Variants in AGBL4 observed in about 807,000 individuals in gnomAD.
The protein encoded by AGBL4 is cytosolic carboxypeptidase 6.
A neutral mutation model predicts 66.4 loss-of-function variants in AGBL4; 58 were observed. The observed-to-expected ratio is 0.87, with a 90% confidence interval of 0.71 to 1.09. AGBL4 has a LOEUF of 1.09. Ranked by LOEUF, AGBL4 falls within the 50% of genes least tolerant of loss-of-function variation. The probability of loss-of-function intolerance (pLI) is 0.00; values close to 1 mark genes in which losing one functional copy is unlikely to be tolerated. For synonymous variants in AGBL4, 234 were observed against 222.9 expected, an observed-to-expected ratio of 1.05 and a Z score of -0.44; for missense variants, 579 against 631.0, an observed-to-expected ratio of 0.92 and a Z score of 0.88.
rs566540528 is a variant in AGBL4 at position 49,161,071 on chromosome 1, G to A, written c.377+84699C>T. Among the ~76,000 whole-genome samples, 16 of 152,118 alleles carry A rather than the reference G, an allele frequency of 1.1e-4. No individual in the cohort carries two copies. In the South Asian group the frequency reaches 2.1e-3, roughly 20 times the overall value. On this transcript the variant is annotated intron_variant, in intron 4 of 13. Coordinates refer to ENST00000371839, the MANE Select transcript of AGBL4 (RefSeq NM_032785.4). ...CCAGGGGAGTGAACAGTTCTGTCTC[G>A]CTGGCATTTCAGGTGCCAGTAGGGT...
intron 3 of AGBL4, among the ~76,000 whole-genome samples, chr1:49,454,856 T>C (rs1295167226): frequency 6.6e-6 from 1 of 151,658 alleles, no homozygotes; most frequent in East Asian, 1.9e-4. Flanking sequence ...AGTAACTTGC[T>C]AAAATAGTAT....
intron 11 of AGBL4, among the ~76,000 whole-genome samples, chr1:48,558,425 A>T (rs1248815894): frequency 1.3e-5 from 2 of 152,194 alleles, no homozygotes. Context: ...CCCAGTCTCA[A>T]TTCCATGACT....
At chr1:48,544,897 G>A (rs1644134494) in intron 11 of AGBL4, among the ~76,000 whole-genome samples, 1 of 152,126 alleles carries the variant, frequency 6.6e-6, no homozygotes, top group Non-Finnish European at 1.5e-5. Flanking sequence ...GAGAACATAG[G>A]AAAATAGCTA....
intron 6 of AGBL4, among the ~76,000 whole-genome samples, chr1:48,827,275 T>G (rs1646447219): frequency 1.3e-5 from 2 of 152,200 alleles, no homozygotes; most frequent in Non-Finnish European, 2.9e-5. Flanking sequence ...ATAGCCAAGG[T>G]GCTTAGTAAA....
chr1:48,720,355 G>A (rs1647125301), intron 6 of AGBL4, among the ~76,000 whole-genome samples: 1 of 152,224 alleles, frequency 6.6e-6, no homozygotes. Context: ...AGGTCATAGA[G>A]CAGAGGAGGC....
At chr1:48,898,830 A>C (rs1651796174) in intron 5 of AGBL4, among the ~76,000 whole-genome samples, 1 of 152,192 alleles carries the variant, frequency 6.6e-6, no homozygotes, top group Non-Finnish European at 1.5e-5. Flanking sequence ...TGATCCACAA[A>C]AAGGGAGAGA....
At chr1:49,565,590 T>C (rs956877592) in intron 3 of AGBL4, among the ~76,000 whole-genome samples, 9 of 152,232 alleles carry the variant, frequency 5.9e-5, no homozygotes, top group African/African-American at 1.9e-4. Context: ...TATGAAATTC[T>C]GGGTTGAAAA....
intron 4 of AGBL4, among the ~76,000 whole-genome samples, chr1:49,110,670 C>T (rs1440684080): frequency 5.9e-5 from 9 of 152,134 alleles, no homozygotes; most frequent in Middle Eastern, 3.2e-3. Flanking sequence ...TCTGAATTGT[C>T]GGTACTGCTG....
At chr1:49,110,160 A>G (rs1163452909) in intron 4 of AGBL4, among the ~76,000 whole-genome samples, 1 of 152,068 alleles carries the variant, frequency 6.6e-6, no homozygotes, top group Admixed American at 6.5e-5. Context: ...CCTCCCTTCA[A>G]TGTCCACATT....
At chr1:49,111,111 GA>G (rs1340801533) in intron 4 of AGBL4, among the ~76,000 whole-genome samples, 1 of 114,784 alleles carries the variant, frequency 8.7e-6, no homozygotes, top group Non-Finnish European at 1.7e-5. Context: ...TCAATTCGTT[GA>G]ATTTTTTTTT....
At chr1:48,674,324 G>A (rs887272089) in intron 6 of AGBL4, among the ~76,000 whole-genome samples, 1 of 152,204 alleles carries the variant, frequency 6.6e-6, no homozygotes, top group African/African-American at 2.4e-5. Flanking sequence ...GGGAGAATGA[G>A]GACCAGAGGA....
intron 6 of AGBL4, among the ~76,000 whole-genome samples, chr1:48,741,069 G>T (rs904615932): frequency 1.3e-5 from 2 of 152,134 alleles, no homozygotes; most frequent in Non-Finnish European, 2.9e-5. Flanking sequence ...TGCAAAAGAG[G>T]CCCCCTATAA....
At position 49,734,108 on chromosome 1, in the gene AGBL4, G is replaced by C. The variant is rs184213187; in HGVS notation, c.158-36671C>G. Among the ~76,000 whole-genome samples the C allele has an allele frequency of 1.2e-3, 190 of 152,200 alleles. 1 individual carries two copies. Among genetic ancestry groups the C allele is most frequent in the Admixed American group, 5.6e-3 (85 of 15,272 alleles). On this transcript the variant is annotated intron_variant, in intron 2 of 13. Coordinates refer to ENST00000371839, the MANE Select transcript of AGBL4 (RefSeq NM_032785.4). ...AACACTCATTCATAATATAGTTCTTGATATACTATGAGTAGAAGGCAATTT... is the reference window on the plus strand; with the variant it reads ...AACACTCATTCATAATATAGTTCTTCATATACTATGAGTAGAAGGCAATTT...
At chr1:49,130,158 GTTGT>G (rs1286120686) in intron 4 of AGBL4, among the ~76,000 whole-genome samples, 2 of 152,120 alleles carry the variant, frequency 1.3e-5, no homozygotes, top group Non-Finnish European at 2.9e-5. Flanking sequence ...TTTTGATGGG[GTTGT>G]TTGTTTTTTC....
chr1:49,540,921 G>T (rs1651961224), intron 3 of AGBL4, among the ~76,000 whole-genome samples: 6 of 152,086 alleles, frequency 3.9e-5, no homozygotes, highest in South Asian at 4.2e-4. Flanking sequence ...GGCGGTCCAA[G>T]TTTATATATA....
chr1:48,989,388 TTTAAG>T (rs753871279), intron 5 of AGBL4, among the ~76,000 whole-genome samples: 1 of 152,146 alleles, frequency 6.6e-6, no homozygotes, highest in African/African-American at 2.4e-5. Context: ...AATTATACTT[TTTAAG>T]TTATTTTTAA....
chr1:49,883,208 A>T (rs2148148276), intron 1 of AGBL4, among the ~76,000 whole-genome samples: 1 of 152,286 alleles, frequency 6.6e-6, no homozygotes, highest in Non-Finnish European at 1.5e-5. Context: ...CAACATTTGT[A>T]GCAGTTATGT....
chr1:49,449,297 T>C (rs926262736), intron 3 of AGBL4, among the ~76,000 whole-genome samples: 1 of 152,114 alleles, frequency 6.6e-6, no homozygotes, highest in African/African-American at 2.4e-5. Context: ...AAATGGAAGA[T>C]ATTTATAATT....
intron 8 of AGBL4, among the ~76,000 whole-genome samples, chr1:48,642,229 CT>C (rs1334979280): frequency 6.6e-6 from 1 of 152,150 alleles, no homozygotes; most frequent in African/African-American, 2.4e-5. Flanking sequence ...AGTTTTTCTT[CT>C]TCCAAGGTTC....
Sources: gnomAD v4.1 joint callset for allele counts (sites outside exome capture counted in the v4.1 genomes callset) on GRCh38, gnomAD v4.1.1 for gene constraint, MANE v1.5 for transcripts, NCBI Gene and HGNC (gene_info 2026-07-23, HGNC 2026-07-21) for gene names.